The following ANOS1 variants were observed in gnomAD, a reference collection of about 807,000 sequenced individuals.
ANOS1 encodes anosmin-1.
In ANOS1, 6 loss-of-function variants were observed where a neutral mutation model predicts 59.0. That is an observed-to-expected ratio of 0.10 (90% CI 0.06 to 0.20). The LOEUF (loss-of-function observed/expected upper bound fraction) is 0.20. Ranked by LOEUF, ANOS1 falls within the 10% of genes least tolerant of loss-of-function variation. The pLI, the probability that ANOS1 is intolerant of heterozygous loss-of-function variation, is 1.00. For synonymous variants in ANOS1, 217 were observed against 223.4 expected, an observed-to-expected ratio of 0.97 and a Z score of 0.25; for missense variants, 433 against 542.3, an observed-to-expected ratio of 0.80 and a Z score of 2.00.
chrX:8,572,169 T>C (rs773507827), intron 6 of ANOS1, among the ~76,000 whole-genome samples: 5 of 110,646 alleles, frequency 4.5e-5, no homozygotes, highest in African/African-American at 9.9e-5. Flanking sequence ...CCAGGGTACA[T>C]GTGCAGGCTT....
At chrX:8,727,163 T>A (rs1932927429) in intron 1 of ANOS1, among the ~76,000 whole-genome samples, 1 of 111,904 alleles carries the variant, frequency 8.9e-6, no homozygotes, top group Non-Finnish European at 1.9e-5. Context: ...TAAGAGTCAA[T>A]AGCACACTGC....
chrX:8,637,836 A>G (rs1033639086), intron 2 of ANOS1, among the ~76,000 whole-genome samples: 6 of 112,533 alleles, frequency 5.3e-5, no homozygotes, highest in African/African-American at 1.9e-4. Context: ...ATGCTCATCA[A>G]TATATTTACG....
chrX:8,536,201 TTTTTTTTTTTTTTTTA>T lies in ANOS1; in HGVS notation c.1622-406_1622-391del, dbSNP rs758877178. On this transcript the variant is annotated intron_variant, in intron 11 of 13. Coordinates refer to ENST00000262648, the MANE Select transcript of ANOS1 (RefSeq NM_000216.4). ...TTAAATCCGAAGCTTTTTTTTTTTT[TTTTTTTTTTTTTTTTA>T]AAAGGTGAGATCTTGCTATGTTGCC... Among the ~76,000 whole-genome samples the T allele has an allele frequency of 5.9e-3, 448 of 75,297 alleles. 7 individuals are homozygous for T. Among genetic ancestry groups the T allele is most frequent in the African/African-American group, 0.023 (415 of 18,085 alleles). 65.4% of individuals were successfully genotyped at this position (75,297 alleles called of 115,157 possible).
At chrX:8,716,367 G>T (rs1569089980) in intron 1 of ANOS1, among the ~76,000 whole-genome samples, 1 of 111,905 alleles carries the variant, frequency 8.9e-6, no homozygotes, top group Non-Finnish European at 1.9e-5. Flanking sequence ...AATGCTACAA[G>T]GTCTCATTTA....
At chrX:8,704,858 A>G (rs1307952886) in intron 1 of ANOS1, among the ~76,000 whole-genome samples, 2 of 111,590 alleles carry the variant, frequency 1.8e-5, no homozygotes, top group Non-Finnish European at 3.8e-5. Flanking sequence ...GTAATCCTAG[A>G]CTTAATATCT....
intron 2 of ANOS1, among the ~76,000 whole-genome samples, chrX:8,635,528 C>T (rs1050309349): frequency 4.5e-5 from 5 of 111,481 alleles, no homozygotes; most frequent in African/African-American, 1.6e-4. Flanking sequence ...GAACATTTTC[C>T]TAAAGACACA....
chrX:8,654,473 CTAAAA>C (rs376601338), intron 2 of ANOS1, among the ~76,000 whole-genome samples: 4 of 112,371 alleles, frequency 3.6e-5, no homozygotes, highest in African/African-American at 1.3e-4. Context: ...ACCATGGGAA[CTAAAA>C]TAAAACAAAA....
At chrX:8,664,472 T>C (rs892624695) in intron 2 of ANOS1, among the ~76,000 whole-genome samples, 55 of 110,284 alleles carry the variant, frequency 5.0e-4, no homozygotes, top group African/African-American at 7.9e-4. Context: ...GGATTACAGG[T>C]GTGAGCCACC....
At chrX:8,641,011 A>G (rs1288931989) in intron 2 of ANOS1, among the ~76,000 whole-genome samples, 2 of 112,311 alleles carry the variant, frequency 1.8e-5, no homozygotes, top group Non-Finnish European at 3.8e-5. Context: ...CTAAGAATAG[A>G]TACTTACTTC....
chrX:8,576,157 C>T (rs746208072), intron 6 of ANOS1, among the ~76,000 whole-genome samples: 1 of 110,292 alleles, frequency 9.1e-6, no homozygotes, highest in African/African-American at 3.3e-5. Flanking sequence ...AGAGTGGCAG[C>T]GATCACCTGT....
intron 6 of ANOS1, among the ~76,000 whole-genome samples, chrX:8,572,032 T>C (rs183217331): frequency 8.9e-6 from 1 of 112,445 alleles, no homozygotes; most frequent in African/African-American, 3.2e-5. Flanking sequence ...TTAGTTAGGT[T>C]AGTTCCTTTA....
intron 2 of ANOS1, among the ~76,000 whole-genome samples, chrX:8,679,539 T>C (rs1447586525): frequency 1.2e-5 from 1 of 86,278 alleles, no homozygotes; most frequent in Admixed American, 1.3e-4. Flanking sequence ...CTTTAGGGAT[T>C]TCTTGCAAAA....
intron 6 of ANOS1, among the ~76,000 whole-genome samples, chrX:8,580,716 C>T (rs1930406256): frequency 9.0e-6 from 1 of 111,630 alleles, no homozygotes; most frequent in Non-Finnish European, 1.9e-5. Context: ...TGCAGTGAGC[C>T]TAAACTAACT....
rs745611714 is a variant in ANOS1 at position 8,623,651 on chromosome X, T to C, written c.275A>G (p.Glu92Gly). The change falls in exon 3 of 14, where the codon GAA (glutamate) becomes GGA (glycine). Residue 92 changes from glutamate to glycine, a missense_variant. Physicochemically the swap from Glu to Gly is moderately conservative, Grantham distance 98. Transcript: ENST00000262648. ...CTGGTGTTTCCTCAGGTCCCCTGAT[T>C]CCTTGCAGGGCTCCAGGCACTGGAA... ...QCSKCLEPCK[E>G]SGDLRKHQCQ... is the part of the protein sequence containing the mutation. The C allele has an allele frequency of 1.1e-5, 13 of 1,199,901 alleles. No individual in the cohort carries two copies. In the East Asian group the frequency reaches 3.6e-4, roughly 33 times the overall value.
intron 3 of ANOS1, among the ~76,000 whole-genome samples, chrX:8,614,563 CTCCT>C (rs1334463835): frequency 9.0e-6 from 1 of 111,501 alleles, no homozygotes; most frequent in Non-Finnish European, 1.9e-5. Context: ...TTGACCTTGT[CTCCT>C]TGTCTTCCTC....
chrX:8,591,909 G>T (rs1241997835), intron 4 of ANOS1, among the ~76,000 whole-genome samples: 1 of 112,433 alleles, frequency 8.9e-6, no homozygotes, highest in Non-Finnish European at 1.9e-5. Context: ...GAACAAATTA[G>T]TCATCTGAAA....
At chrX:8,649,792 T>C (rs1931821093) in intron 2 of ANOS1, among the ~76,000 whole-genome samples, 2 of 111,907 alleles carry the variant, frequency 1.8e-5, no homozygotes, top group Admixed American at 1.9e-4. Flanking sequence ...ATCTTCTGGG[T>C]GCAACAGCCT....
At chrX:8,720,241 C>G (rs1242306578) in intron 1 of ANOS1, among the ~76,000 whole-genome samples, 1 of 111,425 alleles carries the variant, frequency 9.0e-6, no homozygotes, top group African/African-American at 3.3e-5. Context: ...ACAATGACTC[C>G]ACACATGTCC....
intron 2 of ANOS1, among the ~76,000 whole-genome samples, chrX:8,655,651 C>T (rs1216614581): frequency 3.6e-5 from 4 of 111,386 alleles, no homozygotes; most frequent in Non-Finnish European, 7.5e-5. Flanking sequence ...AATTTTCCAG[C>T]CCCTGGTCTA....
Sources: gnomAD v4.1 joint callset for allele counts (sites outside exome capture counted in the v4.1 genomes callset) on GRCh38, gnomAD v4.1.1 for gene constraint, MANE v1.5 for transcripts, NCBI Gene and HGNC (gene_info 2026-07-23, HGNC 2026-07-21) for gene names.